GABRG3: variants seen among roughly 807,000 people sequenced by gnomAD.
The protein encoded by GABRG3 is gamma-aminobutyric acid receptor subunit gamma-3.
A neutral mutation model predicts 48.8 loss-of-function variants in GABRG3; 25 were observed. The ratio of observed to expected loss-of-function variants is 0.51; its 90% CI spans 0.37 to 0.72. The LOEUF is 0.72. GABRG3 is among the 30% of genes least tolerant of loss of function. The pLI, the probability that GABRG3 is intolerant of heterozygous loss-of-function variation, is 0.00. For synonymous variants in GABRG3, 227 were observed against 217.6 expected, an observed-to-expected ratio of 1.04 and a Z score of -0.38; for missense variants, 394 against 577.9, an observed-to-expected ratio of 0.68 and a Z score of 3.26.
At chr15:27,474,434 G>C (rs565860093) in intron 5 of GABRG3, among the ~76,000 whole-genome samples, 51 of 152,124 alleles carry the variant, frequency 3.4e-4, no homozygotes, top group Non-Finnish European at 6.6e-4. Flanking sequence ...AATACCAAGA[G>C]AGGAAACAAA....
chr15:27,106,287 A>G (rs1897448536), intron 3 of GABRG3, among the ~76,000 whole-genome samples: 1 of 152,074 alleles, frequency 6.6e-6, no homozygotes, highest in Non-Finnish European at 1.5e-5. Context: ...TGCTACAAAA[A>G]ACAAAGGGCA....
At chr15:27,005,348 A>G (rs1175001277) in intron 2 of GABRG3, among the ~76,000 whole-genome samples, 1 of 152,086 alleles carries the variant, frequency 6.6e-6, no homozygotes, top group East Asian at 1.9e-4. Context: ...CTACAGGAGC[A>G]GGCCACCACG....
intron 3 of GABRG3, among the ~76,000 whole-genome samples, chr15:27,237,373 A>C (rs975772484): frequency 7.9e-5 from 12 of 152,220 alleles, no homozygotes; most frequent in African/African-American, 2.9e-4. Context: ...CAGATGGGAA[A>C]TCATCCTTCA....
chr15:27,084,759 CA>C (rs1897048218), intron 3 of GABRG3, among the ~76,000 whole-genome samples: 1 of 152,242 alleles, frequency 6.6e-6, no homozygotes, highest in African/African-American at 2.4e-5. Flanking sequence ...CTGGATTCAG[CA>C]ACTGACCACT....
intron 5 of GABRG3, among the ~76,000 whole-genome samples, chr15:27,463,579 T>C (rs1023758733): frequency 6.6e-6 from 1 of 152,148 alleles, no homozygotes; most frequent in African/African-American, 2.4e-5. Flanking sequence ...AAAAGTGAGA[T>C]ATTGAAACCA....
intron 5 of GABRG3, among the ~76,000 whole-genome samples, chr15:27,456,903 C>T (rs1307718617): frequency 6.6e-6 from 1 of 152,214 alleles, no homozygotes; most frequent in Non-Finnish European, 1.5e-5. Flanking sequence ...CTACCACAGG[C>T]ACCTGCAGTG....
chr15:27,499,970 G>A (rs1410263688), intron 6 of GABRG3, among the ~76,000 whole-genome samples: 2 of 152,218 alleles, frequency 1.3e-5, no homozygotes, highest in African/African-American at 4.8e-5. Context: ...AAGTCCCCTG[G>A]CAGAGGATGC....
intron 3 of GABRG3, among the ~76,000 whole-genome samples, chr15:27,266,367 A>G (rs1890922686): frequency 6.6e-6 from 1 of 152,140 alleles, no homozygotes; most frequent in Non-Finnish European, 1.5e-5. Flanking sequence ...CCTTTGTCAA[A>G]AAATTGGTTT....
intron 3 of GABRG3, among the ~76,000 whole-genome samples, chr15:27,258,349 C>A (rs1890681459): frequency 6.6e-6 from 1 of 152,186 alleles, no homozygotes; most frequent in African/African-American, 2.4e-5. Flanking sequence ...CTCTCCTCCC[C>A]CTCTAGTTTC....
chr15:27,021,298 GA>G lies in GABRG3; in HGVS notation c.203-5454del, dbSNP rs375241058. Among the ~76,000 whole-genome samples, 955 of 152,134 alleles carry G rather than the reference GA, an allele frequency of 6.3e-3. 8 individuals carry two copies. Among genetic ancestry groups the G allele is most frequent in the African/African-American group, 0.022 (903 of 41,510 alleles). On this transcript the variant is annotated intron_variant, in intron 2 of 9. Coordinates refer to ENST00000615808, the MANE Select transcript of GABRG3 (RefSeq NM_033223.5). ...ATAACTTTACAACTGCAATTTTTAC[GA>G]ACCATAGTTATGCAACATCCAGGGG...
intron 5 of GABRG3, among the ~76,000 whole-genome samples, chr15:27,351,419 GTGTA>G (rs931083596): frequency 2.1e-5 from 3 of 146,196 alleles, no homozygotes; most frequent in Non-Finnish European, 3.0e-5. Flanking sequence ...GTTTGTGTGT[GTGTA>G]TGTGTGTATG....
At chr15:27,343,310 C>T (rs1894254690) in intron 5 of GABRG3, among the ~76,000 whole-genome samples, 1 of 152,178 alleles carries the variant, frequency 6.6e-6, no homozygotes. Flanking sequence ...TCAAACAGAC[C>T]TGTGCTTTGT....
At chr15:27,399,614 G>T (rs766978179) in intron 5 of GABRG3, among the ~76,000 whole-genome samples, 21 of 152,198 alleles carry the variant, frequency 1.4e-4, no homozygotes, top group Non-Finnish European at 2.2e-4. Flanking sequence ...TTTCTAAAGA[G>T]ACTGACTACT....
chr15:27,392,153 A>G (rs1887152611), intron 5 of GABRG3, among the ~76,000 whole-genome samples: 2 of 152,200 alleles, frequency 1.3e-5, no homozygotes, highest in Non-Finnish European at 2.9e-5. Context: ...TACATTTAGT[A>G]CCATACATTT....
intron 6 of GABRG3, among the ~76,000 whole-genome samples, chr15:27,490,451 C>G (rs1290114582): frequency 3.3e-5 from 5 of 152,188 alleles, no homozygotes; most frequent in Non-Finnish European, 7.3e-5. Flanking sequence ...CACCTGAAGA[C>G]TCTTGGCCAG....
chr15:27,529,351 C>A (rs1891359394), intron 9 of GABRG3, among the ~76,000 whole-genome samples: 1 of 152,156 alleles, frequency 6.6e-6, no homozygotes, highest in South Asian at 2.1e-4. Context: ...ATGTGAACAA[C>A]TTTTATCATA....
chr15:27,188,766 C>T (rs866478401), intron 3 of GABRG3, among the ~76,000 whole-genome samples: 4 of 152,114 alleles, frequency 2.6e-5, no homozygotes, highest in Admixed American at 6.6e-5. Context: ...CTTTTGTTGC[C>T]ATTGCTTTTG....
intron 3 of GABRG3, among the ~76,000 whole-genome samples, chr15:27,169,954 C>G (rs1194017936): frequency 1.3e-5 from 2 of 152,028 alleles, no homozygotes; most frequent in East Asian, 3.9e-4. Flanking sequence ...GAAATCTTAC[C>G]AACAAAAATC....
intron 2 of GABRG3, among the ~76,000 whole-genome samples, chr15:27,019,155 G>A (rs1895838125): frequency 7.7e-6 from 1 of 130,630 alleles, no homozygotes; most frequent in African/African-American, 2.9e-5. Flanking sequence ...TGCAAGCTCT[G>A]CCTCCCGGGT....
Sources: gnomAD v4.1 joint callset for allele counts (sites outside exome capture counted in the v4.1 genomes callset) on GRCh38, gnomAD v4.1.1 for gene constraint, MANE v1.5 for transcripts, NCBI Gene and HGNC (gene_info 2026-07-23, HGNC 2026-07-21) for gene names.